The following NRXN1 variants were observed in gnomAD, a reference collection of about 807,000 sequenced individuals.
NRXN1 encodes neurexin 1.
Under a neutral mutation model 150.9 loss-of-function variants are expected in NRXN1, and 39 were observed. The ratio of observed to expected loss-of-function variants is 0.26; its 90% confidence interval spans 0.20 to 0.34. NRXN1 has a LOEUF of 0.34. Among genes scored for constraint, NRXN1 ranks in the 10% least tolerant of loss-of-function variants. NRXN1 has a pLI of 1.00. For missense variants in NRXN1, 1,815 were observed against 1,949.9 expected, an observed-to-expected ratio of 0.93 and a Z score of 1.30; for synonymous variants, 924 against 757.0, an observed-to-expected ratio of 1.22 and a Z score of -3.62.
At chr2:50,053,151 G>A (rs1339870961) in intron 21 of NRXN1, 120 bp downstream of exon 21, 1 of 951,676 alleles carries the variant, frequency 1.1e-6, no homozygotes, top group African/African-American at 1.6e-5. Context: ...TAGTTTCAAA[G>A]GAAGCTGTAG....
intron 17 of NRXN1, among the ~76,000 whole-genome samples, chr2:50,249,704 C>T (rs1335462663): frequency 6.6e-6 from 1 of 151,092 alleles, no homozygotes; most frequent in Admixed American, 6.6e-5. Context: ...ATGGTGTGAT[C>T]TCAGCTCACT....
chr2:50,854,258 A>C (rs1674937208), intron 5 of NRXN1, among the ~76,000 whole-genome samples: 1 of 152,096 alleles, frequency 6.6e-6, no homozygotes, highest in Non-Finnish European at 1.5e-5. Context: ...ATCAGAAGTC[A>C]AAATGGTATT....
In NRXN1 at chr2:50,539,287, ATGTT is replaced by A. The variant is rs557937856; in HGVS notation, c.1760-655_1760-652del. On this transcript the variant is annotated intron_variant, in intron 9 of 22. Transcript: ENST00000401669. ...ATGGTTTATAATAATCACTGTATAAATGTTTGTGATTATATTTCAGTGAAAGAAT... is the reference window on the plus strand; with the variant it reads ...ATGGTTTATAATAATCACTGTATAAATGTGATTATATTTCAGTGAAAGAAT... 1.4e-4 allele frequency among the ~76,000 whole-genome samples: 22 copies of A among 152,336 alleles called. No individual in the cohort carries two copies. In the East Asian group the frequency reaches 2.7e-3, roughly 19 times the overall value.
At chr2:50,523,129 C>T (rs975571641) in intron 12 of NRXN1, among the ~76,000 whole-genome samples, 8 of 105,730 alleles carry the variant, frequency 7.6e-5, no homozygotes, top group African/African-American at 2.9e-4. Context: ...TCATTCTTTA[C>T]ATTTTACATG....
chr2:50,065,639 C>T (rs1695239697), intron 19 of NRXN1, among the ~76,000 whole-genome samples: 1 of 152,180 alleles, frequency 6.6e-6, no homozygotes, highest in Admixed American at 6.5e-5. Context: ...AGACCTATAA[C>T]AGTGGAGATC....
intron 17 of NRXN1, among the ~76,000 whole-genome samples, chr2:50,318,228 G>A (rs1018275996): frequency 6.6e-6 from 1 of 152,060 alleles, no homozygotes; most frequent in Admixed American, 6.6e-5. Flanking sequence ...AACATCATTA[G>A]TAATCAGGAG....
At chr2:50,831,113 A>AGT (rs1427193074) in intron 5 of NRXN1, among the ~76,000 whole-genome samples, 5 of 152,204 alleles carry the variant, frequency 3.3e-5, no homozygotes, top group Non-Finnish European at 5.9e-5. Context: ...ATACTCCTTA[A>AGT]GTTATTTATA....
intron 5 of NRXN1, among the ~76,000 whole-genome samples, chr2:50,698,330 G>T (rs989114813): frequency 6.6e-6 from 1 of 152,172 alleles, no homozygotes; most frequent in African/African-American, 2.4e-5. Flanking sequence ...CTGTCTAGAG[G>T]CCAAAGGATA....
intron 5 of NRXN1, among the ~76,000 whole-genome samples, chr2:50,908,119 T>C (rs1683990421): frequency 6.6e-6 from 1 of 152,078 alleles, no homozygotes; most frequent in African/African-American, 2.4e-5. Context: ...ATGTTTGTAT[T>C]CACAGCATCT....
intron 17 of NRXN1, among the ~76,000 whole-genome samples, chr2:50,329,020 A>T (rs192040478): frequency 6.6e-6 from 1 of 152,212 alleles, no homozygotes; most frequent in Admixed American, 6.5e-5. Context: ...GTAGAAGATA[A>T]GAAGGCTAGA....
chr2:50,290,468 C>T (rs2152942870), intron 17 of NRXN1, among the ~76,000 whole-genome samples: 1 of 152,258 alleles, frequency 6.6e-6, no homozygotes, highest in Non-Finnish European at 1.5e-5. Context: ...AGGCATAACA[C>T]CAGGCCTGCA....
intron 18 of NRXN1, among the ~76,000 whole-genome samples, chr2:50,154,934 A>G (rs1361986538): frequency 1.3e-5 from 2 of 151,702 alleles, no homozygotes; most frequent in African/African-American, 4.8e-5. Context: ...CTGTTGCCCA[A>G]TAGATTATAT....
At chr2:50,368,070 C>T (rs2079729946) in intron 17 of NRXN1, among the ~76,000 whole-genome samples, 1 of 152,010 alleles carries the variant, frequency 6.6e-6, no homozygotes, top group Non-Finnish European at 1.5e-5. Flanking sequence ...TTAGCAAAGA[C>T]TGTCTTTGTC....
intron 18 of NRXN1, among the ~76,000 whole-genome samples, chr2:50,110,694 C>T (rs1702268874): frequency 6.6e-6 from 1 of 152,078 alleles, no homozygotes; most frequent in African/African-American, 2.4e-5. Context: ...CCAATTCTAG[C>T]ACTTCTTTTT....
intron 21 of NRXN1, among the ~76,000 whole-genome samples, chr2:49,965,515 T>A (rs2351145): frequency 0.41 from 61,431 of 150,534 alleles, 12,718 homozygotes; most frequent in South Asian, 0.54. Context: ...CGATCCACCC[T>A]CCTTGGCCTC....
In NRXN1 at chr2:50,008,468, A is replaced by ATTTTTT. The variant is rs3046626; in HGVS notation, c.4128+44797_4128+44802dup. 1.6e-3 allele frequency among the ~76,000 whole-genome samples: 222 copies of ATTTTTT among 136,372 alleles called. 4 individuals carry two copies. Among genetic ancestry groups the ATTTTTT allele is most frequent in the Non-Finnish European group, 2.8e-3 (179 of 64,050 alleles). 89.5% of individuals were successfully genotyped at this position (136,372 alleles called of 152,430 possible). A position where few individuals can be genotyped will look rare whatever the true frequency, so the allele number is the denominator to read the frequency against. On this transcript the variant is annotated intron_variant, in intron 21 of 22. Transcript: ENST00000401669. ...GAAAACTCCTTTGGAGAAGGATGCC[A>ATTTTTT]TTTTTTTTTTTTTTTTGAGATGGAG...
chr2:50,404,839 G>C (rs1023256517), intron 17 of NRXN1, among the ~76,000 whole-genome samples: 2 of 152,106 alleles, frequency 1.3e-5, no homozygotes, highest in Non-Finnish European at 1.5e-5. Context: ...CTTTCAGTCA[G>C]AGAGAAAGGA....
At chr2:50,577,815 G>A (rs1671666557) in intron 8 of NRXN1, among the ~76,000 whole-genome samples, 1 of 151,856 alleles carries the variant, frequency 6.6e-6, no homozygotes. Flanking sequence ...ATATGTGTTG[G>A]GAAGCCCAAG....
chr2:50,993,872 A>C (rs1698898979), intron 2 of NRXN1, among the ~76,000 whole-genome samples: 2 of 151,898 alleles, frequency 1.3e-5, no homozygotes, highest in South Asian at 4.1e-4. Context: ...GAAAAGGGGA[A>C]CCCAGAGCAC....
Sources: allele counts gnomAD v4.1 joint callset (sites outside exome capture counted in the v4.1 genomes callset), GRCh38; gene constraint gnomAD v4.1.1; transcripts MANE v1.5; gene names NCBI Gene and HGNC (gene_info 2026-07-23, HGNC 2026-07-21).